ITFG2: variants seen among roughly 807,000 people sequenced by gnomAD.
The protein encoded by ITFG2 is integrin alpha FG-GAP repeat containing 2.
ITFG2 carries 36 observed loss-of-function variants against 54.4 expected under a neutral mutation model. The ratio of observed to expected loss-of-function variants is 0.66; its 90% confidence interval spans 0.51 to 0.87. ITFG2 has a LOEUF of 0.87. Among genes scored for constraint, ITFG2 ranks in the 40% least tolerant of loss-of-function variants. The probability of loss-of-function intolerance (pLI) is 0.00; values close to 1 mark genes in which losing one functional copy is unlikely to be tolerated. For synonymous variants in ITFG2, 211 were observed against 225.4 expected (o/e 0.94, Z 0.57); for missense variants, 524 against 576.7 (o/e 0.91, Z 0.94).
At chr12:2,830,964 C>T (rs1437725359), downstream of ITFG2, 5 of 1,245,392 alleles carry the variant, frequency 4.0e-6, no homozygotes, top group African/African-American at 3.1e-5. Flanking sequence ...CCCACCCCCC[C>T]AGCCCTGAGC....
At chr12:2,836,977 T>C (rs1033503584) in intron 1 of ITFG2, 1 of 152,236 alleles carries the variant, frequency 6.6e-6, no homozygotes, top group African/African-American at 2.4e-5. Context: ...AAATTTCTAT[T>C]GTTTTAGCCA....
At chr12:2,830,422 T>G in intron 2 of ITFG2, 1 of 300,888 alleles carries the variant, frequency 3.3e-6, no homozygotes, top group Non-Finnish European at 6.1e-6. Flanking sequence ...ACACACACCA[T>G]TTGTCTGTGT....
At chr12:2,830,955 C>G, downstream of ITFG2, 5 of 1,362,966 alleles carry the variant, frequency 3.7e-6, no homozygotes, top group South Asian at 6.8e-5. Context: ...GATGCTCCCC[C>G]CACCCCCCCA....
At chr12:2,821,140 T>C in intron 6 of ITFG2, 122 bp from the exon 7 acceptor site, 1 of 820,068 alleles carries the variant, frequency 1.2e-6, no homozygotes. Context: ...CCAGATAGGG[T>C]CAGTGGTAGG....
At chr12:2,833,556 G>T (rs1289050794), upstream of ITFG2, among the ~76,000 whole-genome samples, 1 of 152,016 alleles carries the variant, frequency 6.6e-6, no homozygotes, top group East Asian at 1.9e-4. Flanking sequence ...TGGAGCACAG[G>T]CCTGCAGACA....
intron 3 of ITFG2, chr12:2,858,458 G>A (rs1236231848): frequency 5.1e-6 from 3 of 586,168 alleles, no homozygotes; most frequent in Non-Finnish European, 6.0e-6. Flanking sequence ...TACTCTTGGG[G>A]AACACAAGGT....
At position 2,818,175 on chromosome 12, in the gene ITFG2, G is replaced by A. The variant is rs2097928358; in HGVS notation, c.304G>A (p.Asp102Asn). Residue 102 changes from aspartate (D) to asparagine (N), a missense_variant, in exon 4 of 12, where the codon GAT (aspartate) becomes AAT (asparagine). Transcript: ENST00000228799. ...LFDLTPAKVL[D>N]ASGHHETLIG... ...TGACCTGACACCTGCCAAGGTGTTG[G>A]ATGCTTCTGGGCACCACGAGACACT... 3 of 1,614,038 alleles carry A rather than the reference G, an allele frequency of 1.9e-6. No homozygotes were observed. In the African/African-American group the frequency reaches 4.0e-5, roughly 22 times the overall value.
intron 2 of ITFG2, among the ~76,000 whole-genome samples, chr12:2,846,915 A>G (rs1186902566): frequency 6.6e-6 from 1 of 152,150 alleles, no homozygotes; most frequent in Non-Finnish European, 1.5e-5. Context: ...CACATAACAC[A>G]AAATTTACCA....
chr12:2,824,082 G>A lies in ITFG2; in HGVS notation c.1241-8G>A, dbSNP rs1565419164. On this transcript the variant is annotated splice_polypyrimidine_tract_variant and splice_region_variant and intron_variant, in intron 11 of 11. Coordinates refer to ENST00000228799, the MANE Select transcript of ITFG2 (RefSeq NM_018463.4). Reference sequence around the variant, plus strand: ...ACAGCCTCTTACCCACCCCTTCTTGGCTCTCAGATCCTGACGACCTCCCTG... The same window carrying A: ...ACAGCCTCTTACCCACCCCTTCTTGACTCTCAGATCCTGACGACCTCCCTG... 6.2e-7 allele frequency: 1 copy of A among 1,613,992 alleles called. No individual in the cohort carries two copies. Among genetic ancestry groups the A allele is most frequent in the Non-Finnish European group, 8.5e-7 (1 of 1,180,012 alleles).
chr12:2,859,313 C>T (rs765141012), intron 3 of ITFG2: 95 of 1,612,890 alleles, frequency 5.9e-5, no homozygotes, highest in Non-Finnish European at 8.5e-6. Context: ...GGCTCCTCTC[C>T]CTCCTCTCCC....
intron 2 of ITFG2, 128 bp downstream of exon 2, chr12:2,817,446 G>A: frequency 1.6e-6 from 1 of 638,164 alleles, no homozygotes; most frequent in Non-Finnish European, 2.7e-6. Context: ...CCCAGCCACT[G>A]ACTTGCAGCC....
At chr12:2,848,972 C>T (rs1346137298) in intron 2 of ITFG2, 2 of 482,072 alleles carry the variant, frequency 4.1e-6, no homozygotes, top group African/African-American at 3.9e-5. Flanking sequence ...TCTCCCTGCT[C>T]TACCCAGCCT....
downstream of ITFG2, chr12:2,827,453 AC>A (rs1201753562): frequency 3.0e-6 from 3 of 985,210 alleles, no homozygotes; most frequent in Non-Finnish European, 3.6e-6. The surrounding 1 kb of genome is among the most constrained non-coding windows in gnomAD (Gnocchi z 4.0). Context: ...GAAGGGGGTG[AC>A]CCAGTTCTCT....
chr12:2,816,283 G>A (rs942959530), intron 1 of ITFG2, among the ~76,000 whole-genome samples: 20 of 150,454 alleles, frequency 1.3e-4, no homozygotes, highest in African/African-American at 4.6e-4. Context: ...CACCCGCCTC[G>A]GCCTCCCAAA....
downstream of ITFG2, chr12:2,827,767 C>T (rs1451721808): frequency 6.2e-7 from 1 of 1,609,266 alleles, no homozygotes; most frequent in African/African-American, 1.3e-5. This position sits in a 1 kb window ranked among gnomAD's most constrained non-coding sequence, Gnocchi z 4.0. Flanking sequence ...CTCTGCCCAC[C>T]CCATCCCCAG....
intron 3 of ITFG2, chr12:2,859,101 G>A: frequency 6.2e-7 from 1 of 1,606,652 alleles, no homozygotes; most frequent in Non-Finnish European, 8.5e-7. Context: ...GCTCGGGGTG[G>A]AGGAGATGGG....
intron 2 of ITFG2, among the ~76,000 whole-genome samples, chr12:2,856,384 G>A (rs1209271295): frequency 6.6e-6 from 1 of 152,092 alleles, no homozygotes; most frequent in African/African-American, 2.4e-5. Context: ...TCTTTTTTTA[G>A]ATGGAGTTTC....
Position 2,821,715 on chromosome 12 carries a change from A to G in ITFG2, c.871A>G (p.Met291Val), listed in dbSNP as rs2097945442. Residue 291 changes from methionine (M) to valine (V), a missense_variant, in exon 9 of 12, where the codon ATG becomes GTG. Coordinates refer to ENST00000228799, the MANE Select transcript of ITFG2 (RefSeq NM_018463.4). ...AGGGACACTGAAGCTCATGGAAGAA[A>G]TGGAAGAAGCAGACAAGCTGCTGTG... ...LDGTLKLMEE[M>V]EEADKLLWSV... 2 of 1,614,146 alleles carry G rather than the reference A, an allele frequency of 1.2e-6. No homozygotes were observed. Among genetic ancestry groups the G allele is most frequent in the Non-Finnish European group, 1.7e-6 (2 of 1,180,026 alleles).
At chr12:2,838,224 G>A (rs546627750) in intron 1 of ITFG2, among the ~76,000 whole-genome samples, 2 of 152,306 alleles carry the variant, frequency 1.3e-5, no homozygotes, top group East Asian at 1.9e-4. Context: ...GACACACAGC[G>A]TGATGCTGGG....
Sources: allele counts gnomAD v4.1 joint callset (sites outside exome capture counted in the v4.1 genomes callset), GRCh38; gene constraint gnomAD v4.1.1; non-coding constraint Gnocchi (gnomAD v3.1); transcripts MANE v1.5; gene names NCBI Gene and HGNC (gene_info 2026-07-23, HGNC 2026-07-21).